The following CCDC141 variants were observed in gnomAD, a reference collection of about 807,000 sequenced individuals.
The protein encoded by CCDC141 is coiled-coil domain containing 141.
A neutral mutation model predicts 181.0 loss-of-function variants in CCDC141; 168 were observed. That is an observed-to-expected ratio of 0.93 (90% CI 0.82 to 1.05). CCDC141 has a LOEUF of 1.05. Among genes scored for constraint, CCDC141 ranks in the 50% least tolerant of loss-of-function variants. The pLI is 0.00. For synonymous variants in CCDC141, 666 were observed against 642.3 expected (o/e 1.04, Z -0.56); for missense variants, 1,902 against 1,788.5 (o/e 1.06, Z -1.14).
chr2:178,853,150 G>T (rs111702735), intron 20 of CCDC141, among the ~76,000 whole-genome samples: 1,657 of 152,230 alleles, frequency 0.011, 36 homozygotes, highest in African/African-American at 0.037. Context: ...GTATTGTTCT[G>T]GTGTTATTAC....
chr2:178,870,521 C>T (rs13416052), intron 14 of CCDC141, among the ~76,000 whole-genome samples: 8 of 152,102 alleles, frequency 5.3e-5, no homozygotes, highest in South Asian at 2.1e-4. Flanking sequence ...AAGCAGATAA[C>T]GCAGGGTGTA....
intron 18 of CCDC141, 34 bp from the exon 19 acceptor site, chr2:178,855,575 T>C (rs375255505): frequency 4.1e-6 from 6 of 1,457,324 alleles, no homozygotes; most frequent in East Asian, 2.4e-5. Context: ...TTAAACAACA[T>C]TCAATTTGTA....
chr2:178,989,135 A>G (rs1216738831), intron 2 of CCDC141, among the ~76,000 whole-genome samples: 1 of 152,204 alleles, frequency 6.6e-6, no homozygotes, highest in African/African-American at 2.4e-5. Context: ...AGCAACAACA[A>G]CAACAAACAG....
At chr2:178,944,708 A>C in intron 5 of CCDC141, 57 bp from the exon 6 acceptor site, 2 of 683,340 alleles carry the variant, frequency 2.9e-6, no homozygotes, top group Non-Finnish European at 4.6e-6. Flanking sequence ...TAAGTGAGTA[A>C]AAATTCAGAA....
At chr2:178,982,178 G>A (rs1379821895) in intron 2 of CCDC141, among the ~76,000 whole-genome samples, 1 of 152,052 alleles carries the variant, frequency 6.6e-6, no homozygotes, top group South Asian at 2.1e-4. Context: ...AAAGCAGTAA[G>A]CCCAGGTGAC....
intron 4 of CCDC141, among the ~76,000 whole-genome samples, chr2:178,965,985 C>T (rs981508848): frequency 6.6e-6 from 1 of 152,208 alleles, no homozygotes; most frequent in African/African-American, 2.4e-5. Context: ...TTTACAATCA[C>T]AGTGTAAACA....
At position 178,944,706 on chromosome 2, in the gene CCDC141, T is replaced by C. The variant is rs180845664; in HGVS notation, c.781-55A>G. On this transcript the variant is annotated intron_variant, in intron 5 of 23. Transcript: ENST00000443758. ...AATTCAAATGATCAGAATAAGTGAG[T>C]AAAAATTCAGAAATAGTCCCTCAAC... 2.7e-4 allele frequency: 198 copies of C among 728,420 alleles called. No homozygotes were observed. In the African/African-American group the frequency reaches 3.3e-3, roughly 12 times the overall value. The allele number at this position is 728,420 out of a possible 1,614,324, so 45.1% of individuals were successfully genotyped here.
chr2:178,854,048 T>A (rs1685279941), intron 19 of CCDC141, among the ~76,000 whole-genome samples: 1 of 152,220 alleles, frequency 6.6e-6, no homozygotes, highest in Admixed American at 6.5e-5. Flanking sequence ...AAAGAATTGA[T>A]ATCATTAATC....
intron 19 of CCDC141, among the ~76,000 whole-genome samples, chr2:178,854,351 C>T (rs1300338497): frequency 6.6e-6 from 1 of 152,034 alleles, no homozygotes. Context: ...GGTGAAACCC[C>T]ATCTCTACTA....
At chr2:178,822,271 T>C in the CCDC141 span, among the ~76,000 whole-genome samples, 146 of 143,152 alleles carry the variant, frequency 1.0e-3, 1 homozygote, top group African/African-American at 3.6e-3. Context: ...GTGGGGGGAG[T>C]GGGGAGGGAT....
chr2:179,047,227 GA>G, intron 2 of CCDC141, 56 bp downstream of exon 2: 1 of 1,445,994 alleles, frequency 6.9e-7, no homozygotes. Flanking sequence ...AGAAGTATAA[GA>G]AATAGTTTTT....
In CCDC141 at chr2:178,888,653, G is replaced by A; in HGVS notation, c.1281C>T (p.Gly427=). The change falls in exon 9 of 24, where the codon GGC becomes GGT. Residue 427 remains glycine, a synonymous_variant. Coordinates refer to ENST00000443758, the MANE Select transcript of CCDC141 (RefSeq NM_173648.4). ...TAATGCACCCCATCATCTCATGGATGCCGGACACCTGAGAGCTGAACAGAG... is the reference window on the plus strand; with the variant it reads ...TAATGCACCCCATCATCTCATGGATACCGGACACCTGAGAGCTGAACAGAG... ...QVDSCSSQVS[G]IHEMMGCIKR... 6.4e-7 allele frequency: 1 copy of A among 1,550,658 alleles called. No individual in the cohort carries two copies. The highest frequency in any genetic ancestry group is 8.7e-7 in the Non-Finnish European group (1 of 1,146,828).
At position 178,973,667 on chromosome 2, in the gene CCDC141, G is replaced by T. The variant is rs184205070; in HGVS notation, c.526+1390C>A. ...TCCATTCCCAAACATGTATGGAAAA[G>T]CCCCTACTTCTACAAGCCCCCAGTC... On this transcript the variant is annotated intron_variant, in intron 4 of 23. Transcript: ENST00000443758. Among the ~76,000 whole-genome samples, 74 of 152,282 alleles carry T rather than the reference G, an allele frequency of 4.9e-4. 1 individual carries two copies.
chr2:179,026,702 G>A (rs572081695), intron 2 of CCDC141, among the ~76,000 whole-genome samples: 2 of 152,304 alleles, frequency 1.3e-5, no homozygotes, highest in African/African-American at 4.8e-5. Context: ...CTGCGCACCT[G>A]GAAAAGCCAC....
At chr2:179,034,174 T>C (rs1326323572) in intron 2 of CCDC141, among the ~76,000 whole-genome samples, 1 of 152,144 alleles carries the variant, frequency 6.6e-6, no homozygotes, top group Non-Finnish European at 1.5e-5. Context: ...TAAAAAAGAA[T>C]GAGATAATGT....
chr2:178,877,697 CTATT>C (rs926225477), intron 12 of CCDC141: 2 of 504,942 alleles, frequency 4.0e-6, no homozygotes, highest in African/African-American at 2.0e-5. Flanking sequence ...TCTGAGGACT[CTATT>C]TAATAATAAC....
At chr2:179,014,264 A>C (rs1469826854) in intron 2 of CCDC141, among the ~76,000 whole-genome samples, 1 of 152,110 alleles carries the variant, frequency 6.6e-6, no homozygotes, top group East Asian at 1.9e-4. Flanking sequence ...TTATACAAAA[A>C]CCAACTCGAG....
chr2:178,864,405 C>T (rs550675170), intron 17 of CCDC141, among the ~76,000 whole-genome samples: 4 of 152,304 alleles, frequency 2.6e-5, no homozygotes, highest in African/African-American at 9.6e-5. Flanking sequence ...TAAGCAGCAG[C>T]ATAGGAACCG....
At chr2:179,049,734 T>C in intron 1 of CCDC141, 106 bp downstream of exon 1, 3 of 1,234,366 alleles carry the variant, frequency 2.4e-6, no homozygotes, top group African/African-American at 1.5e-5. Flanking sequence ...TGCTGCGTTG[T>C]CTTCTCTATG....
Sources: allele counts gnomAD v4.1 joint callset (sites outside exome capture counted in the v4.1 genomes callset), GRCh38; gene constraint gnomAD v4.1.1; transcripts MANE v1.5; gene names NCBI Gene and HGNC (gene_info 2026-07-23, HGNC 2026-07-21).